The following ARHGEF10 variants were observed in gnomAD, a reference collection of about 807,000 sequenced individuals.
The protein encoded by ARHGEF10 is Rho guanine nucleotide exchange factor 10, also known as Rho guanine nucleotide exchange factor (GEF) 10.
ARHGEF10 carries 140 observed loss-of-function variants against 147.4 expected under a neutral mutation model. The ratio of observed to expected loss-of-function variants is 0.95; its 90% CI spans 0.83 to 1.09. The LOEUF is 1.09. Among genes scored for constraint, ARHGEF10 ranks in the 50% least tolerant of loss-of-function variants. ARHGEF10 has a pLI of 0.00. For synonymous variants in ARHGEF10, 902 were observed against 695.8 expected (o/e 1.30, Z -4.67); for missense variants, 2,222 against 1,752.7 (o/e 1.27, Z -4.78).
intron 13 of ARHGEF10, among the ~76,000 whole-genome samples, chr8:1,895,944 A>G (rs765032378): frequency 3.3e-5 from 5 of 152,168 alleles, no homozygotes; most frequent in Non-Finnish European, 7.3e-5. Flanking sequence ...CCTGTTTCTC[A>G]GGATATTGGG....
intron 11 of ARHGEF10, among the ~76,000 whole-genome samples, chr8:1,887,985 T>G (rs73542928): frequency 0.011 from 1,595 of 148,140 alleles, 30 homozygotes; most frequent in African/African-American, 0.036. Context: ...GGGTGAGAGT[T>G]GTGAAGAGAC....
At chr8:1,875,873 T>A (rs1271198441) in intron 7 of ARHGEF10, among the ~76,000 whole-genome samples, 1 of 152,226 alleles carries the variant, frequency 6.6e-6, no homozygotes, top group East Asian at 1.9e-4. Context: ...TGTGGATGCA[T>A]AAAGAATAAA....
At position 1,868,031 on chromosome 8, in the gene ARHGEF10, C is replaced by T. The variant is rs548001367; in HGVS notation, c.623-1163C>T. On this transcript the variant is annotated intron_variant, in intron 6 of 28. Coordinates refer to ENST00000349830, the MANE Select transcript of ARHGEF10 (RefSeq NM_014629.4). Reference sequence around the variant, plus strand: ...TTTGTCTGATTTTTTTCTCATTACTCATTTTTATTACCCAGATGGCAGTGA... The same window carrying T: ...TTTGTCTGATTTTTTTCTCATTACTTATTTTTATTACCCAGATGGCAGTGA... Among the ~76,000 whole-genome samples, 28 of 152,266 alleles carry T rather than the reference C, an allele frequency of 1.8e-4. 1 individual carries two copies. In the South Asian group the frequency reaches 5.4e-3, roughly 29 times the overall value.
rs1483520610 is a variant in ARHGEF10, at chr8:1,903,601, G to A, written c.1821+150G>A. The A allele has an allele frequency of 1.1e-5, 10 of 924,416 alleles. No homozygotes were observed. In the South Asian group the frequency reaches 1.3e-4, roughly 12 times the overall value. 57.3% of individuals were successfully genotyped at this position (924,416 alleles called of 1,614,324 possible). A position where few individuals can be genotyped will look rare whatever the true frequency, so the allele number is the denominator to read the frequency against. On this transcript the variant is annotated intron_variant, in intron 16 of 28. Coordinates refer to ENST00000349830, the MANE Select transcript of ARHGEF10 (RefSeq NM_014629.4). ...AACCGGGGTGGATGGAGGCCTTCGG[G>A]AGAGTCACACCAATGTGGAAATTGT...
chr8:1,926,948 C>G (rs1812737897), intron 23 of ARHGEF10: 3 of 251,626 alleles, frequency 1.2e-5, no homozygotes, highest in Non-Finnish European at 2.3e-5. Flanking sequence ...GTCCCAGGCT[C>G]TCCCCTCTCT....
intron 11 of ARHGEF10, among the ~76,000 whole-genome samples, chr8:1,886,329 G>A (rs551131515): frequency 2.0e-5 from 3 of 152,138 alleles, no homozygotes; most frequent in Admixed American, 1.3e-4. Flanking sequence ...GGGCAGCGAG[G>A]TGCAAATCAT....
At chr8:1,849,272 C>CCGG (rs1804790261) in intron 2 of ARHGEF10, among the ~76,000 whole-genome samples, 3 of 151,070 alleles carry the variant, frequency 2.0e-5, no homozygotes, top group Admixed American at 6.6e-5. Flanking sequence ...CTGAGAAGGG[C>CCGG]GTAGGGCGGC....
intron 1 of ARHGEF10, among the ~76,000 whole-genome samples, chr8:1,829,459 G>C (rs934087665): frequency 2.0e-5 from 3 of 152,228 alleles, no homozygotes; most frequent in African/African-American, 4.8e-5. Context: ...CAGCCTGCTT[G>C]CTGCAGGAGT....
intron 9 of ARHGEF10, 57 bp downstream of exon 9, chr8:1,880,221 C>A: frequency 8.0e-7 from 1 of 1,257,400 alleles, no homozygotes; most frequent in Non-Finnish European, 1.2e-6. Flanking sequence ...TAAAGAAAAA[C>A]CGCGCGGCTC....
rs1563161677 is a variant in ARHGEF10, at chr8:1,841,916, TGGGGCCGCGGCGGGAACTGGGG to T, written c.-47-1436_-47-1415del. Among the ~76,000 whole-genome samples the T allele has an allele frequency of 4.3e-4, 38 of 88,288 alleles. 4 individuals carry two copies. The East Asian group carries it at 7.8e-3, about 18-fold the overall frequency. 57.9% of individuals were successfully genotyped at this position (88,288 alleles called of 152,430 possible). On this transcript the variant is annotated intron_variant, in intron 1 of 28. Transcript: ENST00000349830. ...CGGGAACTGGGGCCGCGGCGGGAAC[TGGGGCCGCGGCGGGAACTGGGG>T]CCGCGACCGGAACTGGGGCCGCGAC...
intron 13 of ARHGEF10, 40 bp from the exon 14 acceptor site, chr8:1,896,293 G>A: frequency 7.2e-7 from 1 of 1,386,804 alleles, no homozygotes; most frequent in Non-Finnish European, 1.0e-6. Context: ...GGGATATCTG[G>A]ACTCTGTGAT....
At chr8:1,915,820 A>G (rs910280640) in intron 18 of ARHGEF10, among the ~76,000 whole-genome samples, 1 of 152,248 alleles carries the variant, frequency 6.6e-6, no homozygotes, top group African/African-American at 2.4e-5. Flanking sequence ...CATGCACACT[A>G]GTCCACGTGA....
chr8:1,936,276 A>G (rs1379354204), intron 26 of ARHGEF10, among the ~76,000 whole-genome samples: 3 of 152,192 alleles, frequency 2.0e-5, no homozygotes, highest in African/African-American at 7.2e-5. Flanking sequence ...GCACTTTTGG[A>G]GACCAAGATA....
intron 15 of ARHGEF10, among the ~76,000 whole-genome samples, chr8:1,899,677 A>T (rs1017662245): frequency 6.6e-6 from 1 of 152,224 alleles, no homozygotes; most frequent in Non-Finnish European, 1.5e-5. Flanking sequence ...GTTTGCCTGT[A>T]TTACAGCATT....
At chr8:1,912,666 C>T (rs1174364390) in intron 18 of ARHGEF10, among the ~76,000 whole-genome samples, 1 of 151,456 alleles carries the variant, frequency 6.6e-6, no homozygotes, top group Non-Finnish European at 1.5e-5. Flanking sequence ...GCAGAGGCTG[C>T]AGGCTGGTGA....
chr8:1,896,237 A>G (rs1563250325), intron 13 of ARHGEF10, 96 bp from the exon 14 acceptor site: 2 of 896,082 alleles, frequency 2.2e-6, no homozygotes, highest in East Asian at 4.8e-5. Flanking sequence ...TGACCGAAAG[A>G]GTATTTTGAG....
At chr8:1,863,427 G>A (rs1001417558) in intron 4 of ARHGEF10, among the ~76,000 whole-genome samples, 2 of 152,224 alleles carry the variant, frequency 1.3e-5, no homozygotes, top group African/African-American at 2.4e-5. Context: ...GTTTGAAAAC[G>A]GTTGAGAACT....
chr8:1,955,834 G>A (rs747998972), intron 28 of ARHGEF10, among the ~76,000 whole-genome samples: 28 of 152,390 alleles, frequency 1.8e-4, no homozygotes, highest in Non-Finnish European at 3.1e-4. Flanking sequence ...GGGCAGCATC[G>A]CTGGTGTGCA....
intron 27 of ARHGEF10, chr8:1,945,969 TC>T: frequency 2.0e-6 from 1 of 503,990 alleles, no homozygotes; most frequent in Non-Finnish European, 3.6e-6. Flanking sequence ...TTTCTCATCA[TC>T]GGTGCAACAA....
Sources: allele counts gnomAD v4.1 joint callset (sites outside exome capture counted in the v4.1 genomes callset), GRCh38; gene constraint gnomAD v4.1.1; transcripts MANE v1.5; gene names NCBI Gene and HGNC (gene_info 2026-07-23, HGNC 2026-07-21).